The following ADAD1 variants were observed in gnomAD, a reference collection of about 807,000 sequenced individuals.
ADAD1 encodes adenosine deaminase domain containing 1.
ADAD1 carries 46 observed loss-of-function variants against 66.8 expected under a neutral mutation model. The ratio of observed to expected loss-of-function variants is 0.69; its 90% CI spans 0.54 to 0.88. The LOEUF (loss-of-function observed/expected upper bound fraction) is 0.88, where lower values mean the gene tolerates loss of function less well. Ranked by LOEUF, ADAD1 falls within the 40% of genes least tolerant of loss-of-function variation. The probability of loss-of-function intolerance (pLI) is 0.00; values close to 1 mark genes in which losing one functional copy is unlikely to be tolerated. For synonymous variants in ADAD1, 248 were observed against 229.4 expected, an observed-to-expected ratio of 1.08 and a Z score of -0.73; for missense variants, 617 against 681.8, an observed-to-expected ratio of 0.91 and a Z score of 1.06.
intron 11 of ADAD1, 56 bp downstream of exon 11, chr4:122,415,672 T>C: frequency 6.9e-7 from 1 of 1,446,324 alleles, no homozygotes; most frequent in Non-Finnish European, 9.6e-7. Flanking sequence ...GAAGACATTT[T>C]ATTGCAGTTT....
At chr4:122,407,761 G>T in intron 7 of ADAD1, 147 bp from the exon 8 acceptor site, 1 of 895,132 alleles carries the variant, frequency 1.1e-6, no homozygotes, top group Non-Finnish European at 1.6e-6. Context: ...AAGACTCTAA[G>T]ACTCTTATTT....
At chr4:122,390,659 G>A (rs1795388950) in intron 5 of ADAD1, among the ~76,000 whole-genome samples, 1 of 152,122 alleles carries the variant, frequency 6.6e-6, no homozygotes, top group African/African-American at 2.4e-5. Flanking sequence ...GTTGATACTT[G>A]TGTATGCTTC....
chr4:122,412,683 G>A lies in ADAD1; in HGVS notation c.1123G>A (p.Asp375Asn). Residue 375 changes from aspartate to asparagine, a missense_variant, in exon 10 of 13, where the codon GAT becomes AAT. Asp to Asn is a conservative substitution (Grantham distance 23). Coordinates refer to ENST00000296513, the MANE Select transcript of ADAD1 (RefSeq NM_139243.4). ...KIYLTVYCPK[D>N]GVNRISSMSS... ...TTATCTGACTGTTTACTGTCCTAAA[G>A]ATGGTGTTAATAGAATAAGCAGTAT... The A allele has an allele frequency of 6.2e-7, 1 of 1,613,918 alleles. No homozygotes were observed. Among genetic ancestry groups the A allele is most frequent in the Non-Finnish European group, 8.5e-7 (1 of 1,179,832 alleles).
At chr4:122,419,792 T>C (rs1796921851) in intron 11 of ADAD1, among the ~76,000 whole-genome samples, 1 of 152,226 alleles carries the variant, frequency 6.6e-6, no homozygotes, top group African/African-American at 2.4e-5. Flanking sequence ...CATATGTTTA[T>C]CTCTATAAAT....
intron 10 of ADAD1, among the ~76,000 whole-genome samples, chr4:122,414,276 G>GT (rs1005244512): frequency 1.9e-4 from 11 of 56,836 alleles, no homozygotes; most frequent in East Asian, 7.6e-4. Flanking sequence ...CTTTTTTTTT[G>GT]GGGGGGGGGG....
chr4:122,416,027 A>G (rs1473128265), intron 11 of ADAD1, among the ~76,000 whole-genome samples: 3 of 152,124 alleles, frequency 2.0e-5, no homozygotes, highest in Non-Finnish European at 4.4e-5. Flanking sequence ...ATATTTTTTT[A>G]TGCTCTTCCA....
At chr4:122,383,737 T>C (rs62321702) in intron 4 of ADAD1, 62 bp from the exon 5 acceptor site, 98,444 of 1,510,004 alleles carry the variant, frequency 0.065, 3,630 homozygotes, top group Non-Finnish European at 0.075. Flanking sequence ...CCTATGTACA[T>C]ACATTGTTTG....
chr4:122,429,542 A>T (rs537956032), intron 12 of ADAD1, 84 bp from the exon 13 acceptor site: 8 of 699,910 alleles, frequency 1.1e-5, no homozygotes, highest in African/African-American at 9.2e-5. Context: ...TTTAAATTTC[A>T]AGCTAAAGAA....
At chr4:122,379,974 A>G in intron 2 of ADAD1, 88 bp from the exon 3 acceptor site, 1 of 1,332,252 alleles carries the variant, frequency 7.5e-7, no homozygotes, top group Non-Finnish European at 1.0e-6. Context: ...CATTTATGGA[A>G]ATAATGGGGG....
At chr4:122,422,370 C>T (rs572219590) in intron 12 of ADAD1, among the ~76,000 whole-genome samples, 2 of 152,312 alleles carry the variant, frequency 1.3e-5, no homozygotes, top group South Asian at 2.1e-4. Flanking sequence ...GGTGATCCAC[C>T]CGCCTCAGCC....
chr4:122,412,640 G>A lies in ADAD1; in HGVS notation c.1080G>A (p.Val360=), dbSNP rs1560598744. ...FEANEELCLH[V]AVEGKIYLTV... is the part of the protein sequence containing the mutation. ...CCAATGAAGAACTCTGTCTCCACGT[G>A]GCTGTTGAAGGCAAAATTTATCTGA... The change falls in exon 10 of 13, where the codon GTG becomes GTA. Residue 360 remains valine, a synonymous_variant. Coordinates refer to ENST00000296513, the MANE Select transcript of ADAD1 (RefSeq NM_139243.4). 1.2e-6 allele frequency: 2 copies of A among 1,613,736 alleles called. No homozygotes were observed.
At chr4:122,402,220 G>A (rs1388792017) in intron 7 of ADAD1, among the ~76,000 whole-genome samples, 2 of 151,892 alleles carry the variant, frequency 1.3e-5, no homozygotes, top group Non-Finnish European at 2.9e-5. Context: ...GCATTTGTTT[G>A]TCTGAAAAAG....
intron 8 of ADAD1, among the ~76,000 whole-genome samples, chr4:122,408,790 G>A (rs1345617098): frequency 6.6e-6 from 1 of 152,032 alleles, no homozygotes; most frequent in Non-Finnish European, 1.5e-5. Flanking sequence ...GAATGAGGTG[G>A]GAGGATTGAT....
chr4:122,397,644 C>CT (rs1483281106), intron 7 of ADAD1, among the ~76,000 whole-genome samples: 1 of 151,928 alleles, frequency 6.6e-6, no homozygotes, highest in African/African-American at 2.4e-5. Context: ...GATGGAGTGC[C>CT]TACATTAGAG....
chr4:122,396,584 AG>A (rs1333328134), intron 7 of ADAD1, among the ~76,000 whole-genome samples: 1 of 152,224 alleles, frequency 6.6e-6, no homozygotes, highest in Non-Finnish European at 1.5e-5. Context: ...AAATGGTGAA[AG>A]TCCTAACATT....
chr4:122,419,533 T>G (rs1796911473), intron 11 of ADAD1, among the ~76,000 whole-genome samples: 1 of 152,120 alleles, frequency 6.6e-6, no homozygotes, highest in South Asian at 2.1e-4. Context: ...ACTTAAAAGT[T>G]TACAAAAGAA....
intron 5 of ADAD1, among the ~76,000 whole-genome samples, chr4:122,391,217 A>T (rs1050767810): frequency 6.6e-6 from 1 of 152,144 alleles, no homozygotes; most frequent in Non-Finnish European, 1.5e-5. Context: ...GCTGGAGAAC[A>T]GCAAAGATGG....
rs757977133 is a variant in ADAD1, at chr4:122,380,048, A to G, written c.-8-14A>G. The G allele has an allele frequency of 2.5e-6, 4 of 1,592,178 alleles. No individual in the cohort carries two copies. The highest frequency in any genetic ancestry group is 4.5e-5 in the East Asian group (2 of 44,778). ...TTTTGTCTTGTTTTCTGCCAATTTT[A>G]TCGTGACCTCTAGGTGAGAAAATGG... On this transcript the variant is annotated splice_polypyrimidine_tract_variant and intron_variant, in intron 2 of 12. Coordinates refer to ENST00000296513, the MANE Select transcript of ADAD1 (RefSeq NM_139243.4).
In ADAD1 at chr4:122,407,902, T is replaced by A; in HGVS notation, c.725-6T>A. On this transcript the variant is annotated splice_region_variant and splice_polypyrimidine_tract_variant and intron_variant, in intron 7 of 12. Transcript: ENST00000296513. The stretch of plus-strand genomic sequence containing the variant: ...TAACCTGCTACTGTCTACCTTTTTC[T>A]TTCAGCTGGACAACATGAGGTTGTA... The A allele has an allele frequency of 6.2e-7, 1 of 1,612,272 alleles. No individual in the cohort carries two copies. Among genetic ancestry groups the A allele is most frequent in the Non-Finnish European group, 8.5e-7 (1 of 1,178,968 alleles).
Sources: gnomAD v4.1 joint callset for allele counts (sites outside exome capture counted in the v4.1 genomes callset) on GRCh38, gnomAD v4.1.1 for gene constraint, MANE v1.5 for transcripts, NCBI Gene and HGNC (gene_info 2026-07-23, HGNC 2026-07-21) for gene names.